The following ST6GALNAC6 variants were observed in gnomAD, a reference collection of about 807,000 sequenced individuals.
ST6GALNAC6 encodes alpha-N-acetylgalactosaminide alpha-2,6-sialyltransferase 6.
A neutral mutation model predicts 34.3 loss-of-function variants in ST6GALNAC6; 19 were observed. The ratio of observed to expected loss-of-function variants is 0.55; its 90% CI spans 0.39 to 0.81. ST6GALNAC6 has a LOEUF of 0.81. ST6GALNAC6 is among the 40% of genes least tolerant of loss of function. ST6GALNAC6 has a pLI of 0.00. For synonymous variants in ST6GALNAC6, 185 were observed against 182.1 expected (o/e 1.02, Z -0.13); for missense variants, 377 against 467.7 (o/e 0.81, Z 1.79).
At chr9:127,887,382 C>T (rs1829839407) in intron 6 of ST6GALNAC6, 102 bp downstream of exon 6, 1 of 845,040 alleles carries the variant, frequency 1.2e-6, no homozygotes, top group South Asian at 1.5e-5. Context: ...GAAGCAGAGG[C>T]CCTCAAAGGC....
chr9:127,896,183 C>G lies in ST6GALNAC6; in HGVS notation c.117+59G>C, dbSNP rs1426518440. 1.9e-6 allele frequency: 3 copies of G among 1,582,088 alleles called. No homozygotes were observed. The East Asian group carries it at 6.7e-5, about 35-fold the overall frequency. ...GGGGTCTGAGACAGGTCCAAAGGAACCCGTTCCATGGAGGGAAGTGAGAGG... is the reference window on the plus strand; with the variant it reads ...GGGGTCTGAGACAGGTCCAAAGGAAGCCGTTCCATGGAGGGAAGTGAGAGG... On this transcript the variant is annotated intron_variant, in intron 3 of 6. Coordinates refer to ENST00000373146, the MANE Select transcript of ST6GALNAC6 (RefSeq NM_013443.5).
chr9:127,891,743 G>A (rs1208688297), intron 4 of ST6GALNAC6, among the ~76,000 whole-genome samples: 6 of 131,158 alleles, frequency 4.6e-5, no homozygotes, highest in African/African-American at 1.4e-4. Flanking sequence ...GGGGGAGGGG[G>A]AGGGGAAGAA....
chr9:127,897,944 T>G lies in ST6GALNAC6; in HGVS notation c.26+12A>C, dbSNP rs376615523. 1 of 1,612,932 alleles carries G rather than the reference T, an allele frequency of 6.2e-7. No individual in the cohort carries two copies. Among genetic ancestry groups the G allele is most frequent in the Non-Finnish European group, 8.5e-7 (1 of 1,179,598 alleles). ...GTCAGCTGCCAGTGCGAATCCCGGTTTCACCACTTACTGGCTGGGGGGCCT... is the reference window on the plus strand; with the variant it reads ...GTCAGCTGCCAGTGCGAATCCCGGTGTCACCACTTACTGGCTGGGGGGCCT... On this transcript the variant is annotated intron_variant, in intron 2 of 6. Coordinates refer to ENST00000373146, the MANE Select transcript of ST6GALNAC6 (RefSeq NM_013443.5).
chr9:127,892,139 G>A (rs1035515130), intron 4 of ST6GALNAC6, among the ~76,000 whole-genome samples: 4 of 152,046 alleles, frequency 2.6e-5, no homozygotes, highest in African/African-American at 4.8e-5. Context: ...CAACAAAAGC[G>A]AAACTCCATC....
chr9:127,899,446 C>CCCGCCT (rs1478544850), intron 1 of ST6GALNAC6, 57 bp downstream of exon 1: 3 of 805,814 alleles, frequency 3.7e-6, no homozygotes, highest in Non-Finnish European at 4.5e-6. Context: ...GCCCTCCGCC[C>CCCGCCT]CAGCCCCCGC....
chr9:127,898,019 T>A lies in ST6GALNAC6; in HGVS notation c.-29-9A>T. On this transcript the variant is annotated splice_polypyrimidine_tract_variant and intron_variant, in intron 1 of 6. Coordinates refer to ENST00000373146, the MANE Select transcript of ST6GALNAC6 (RefSeq NM_013443.5). Reference sequence around the variant, plus strand: ...AGCCTCAGTTTCCTCATCTGTGAAATGGGAACAATAAGAGTCGGTAACTCA... The same window carrying A: ...AGCCTCAGTTTCCTCATCTGTGAAAAGGGAACAATAAGAGTCGGTAACTCA... 7.7e-7 allele frequency: 1 copy of A among 1,294,666 alleles called. No homozygotes were observed. The highest frequency in any genetic ancestry group is 2.4e-5 in the East Asian group (1 of 41,318). 80.2% of individuals were successfully genotyped at this position (1,294,666 alleles called of 1,614,324 possible).
In ST6GALNAC6 at chr9:127,905,152, G is replaced by A. The variant is rs1223018447; in HGVS notation, c.-77+55C>T. 4.3e-6 allele frequency: 4 copies of A among 930,182 alleles called. No homozygotes were observed. The African/African-American group carries it at 5.4e-5, about 12-fold the overall frequency. 57.6% of individuals were successfully genotyped at this position (930,182 alleles called of 1,614,324 possible). ...CAGGAAAACAGAGGCCCAAAGAGTG[G>A]CTGCAGATTCAGGTGATCCCTGGGG... On this transcript the variant is annotated intron_variant, in intron 1 of 5. Coordinates refer to the ST6GALNAC6 transcript ENST00000622357.
upstream of ST6GALNAC6, chr9:127,905,416 C>A (rs1254793891): frequency 1.0e-6 from 1 of 985,556 alleles, no homozygotes; most frequent in Non-Finnish European, 1.2e-6. Flanking sequence ...AAATACCCCA[C>A]CCGAGGGTAG....
At chr9:127,897,388 A>T in intron 2 of ST6GALNAC6, 1 of 986,260 alleles carries the variant, frequency 1.0e-6, no homozygotes, top group Non-Finnish European at 1.2e-6. Flanking sequence ...GTTTACTCCT[A>T]CACGGCCACC....
intron 4 of ST6GALNAC6, among the ~76,000 whole-genome samples, chr9:127,892,843 C>T (rs1408311272): frequency 1.3e-5 from 2 of 152,134 alleles, no homozygotes; most frequent in Admixed American, 6.5e-5. Context: ...GGAACTGACT[C>T]GGCAGGTGAA....
chr9:127,905,957 G>C, upstream of ST6GALNAC6: 1 of 985,470 alleles, frequency 1.0e-6, no homozygotes, highest in Non-Finnish European at 1.2e-6. Context: ...CCTGTTGAGA[G>C]CTCCTCGCTC....
chr9:127,902,837 C>G (rs953313457), upstream of ST6GALNAC6, among the ~76,000 whole-genome samples: 4 of 151,252 alleles, frequency 2.6e-5, no homozygotes, highest in African/African-American at 4.9e-5. Flanking sequence ...ATCCACCCCC[C>G]CTTGGCCTCC....
chr9:127,889,139 A>G (rs1829976789), intron 5 of ST6GALNAC6, among the ~76,000 whole-genome samples: 1 of 152,164 alleles, frequency 6.6e-6, no homozygotes, highest in Non-Finnish European at 1.5e-5. Context: ...GCCTGAGGTC[A>G]GGAGTTTGAG....
intron 6 of ST6GALNAC6, 101 bp from the exon 7 acceptor site, chr9:127,886,889 C>G (rs746123202): frequency 8.8e-5 from 107 of 1,213,050 alleles, no homozygotes; most frequent in Non-Finnish European, 1.2e-4. Context: ...TAGGAGAAAT[C>G]CCCATGCCTC....
chr9:127,894,023 G>A (rs772003930), intron 4 of ST6GALNAC6, among the ~76,000 whole-genome samples: 1 of 152,150 alleles, frequency 6.6e-6, no homozygotes, highest in Non-Finnish European at 1.5e-5. Flanking sequence ...TCACTGTGTG[G>A]CCTTAGACAT....
At chr9:127,905,642 G>A (rs946276425), upstream of ST6GALNAC6, among the ~76,000 whole-genome samples, 1 of 152,188 alleles carries the variant, frequency 6.6e-6, no homozygotes. Flanking sequence ...CACCACCAAG[G>A]AAGGGCAGGG....
At chr9:127,893,869 A>G (rs1462304986) in intron 4 of ST6GALNAC6, among the ~76,000 whole-genome samples, 1 of 152,236 alleles carries the variant, frequency 6.6e-6, no homozygotes, top group Non-Finnish European at 1.5e-5. Flanking sequence ...GGAAGGAGAA[A>G]GAGGTACTAC....
At chr9:127,888,156 T>A in intron 5 of ST6GALNAC6, among the ~76,000 whole-genome samples, 1 of 152,110 alleles carries the variant, frequency 6.6e-6, no homozygotes, top group Non-Finnish European at 1.5e-5. Context: ...ATACCTGTAA[T>A]CCCAGGACTT....
chr9:127,894,745 C>T (rs1047946621), intron 3 of ST6GALNAC6, 54 bp from the exon 4 acceptor site: 2 of 1,585,550 alleles, frequency 1.3e-6, no homozygotes, highest in African/African-American at 2.7e-5. Context: ...CTCAGCGCCC[C>T]CACCTCCTTG....
Sources: allele counts gnomAD v4.1 joint callset (sites outside exome capture counted in the v4.1 genomes callset), GRCh38; gene constraint gnomAD v4.1.1; transcripts MANE v1.5; gene names NCBI Gene and HGNC (gene_info 2026-07-23, HGNC 2026-07-21).